RIN2: variants seen among roughly 807,000 people sequenced by gnomAD.
RIN2 encodes RAB5 interacting protein 2.
In RIN2, 36 loss-of-function variants were observed where a neutral mutation model predicts 78.0. The ratio of observed to expected loss-of-function variants is 0.46; its 90% CI spans 0.35 to 0.61. The LOEUF is 0.61. Among genes scored for constraint, RIN2 ranks in the 20% least tolerant of loss-of-function variants. The pLI, the probability that RIN2 is intolerant of heterozygous loss-of-function variation, is 0.00. For missense variants in RIN2, 1,087 were observed against 1,159.7 expected (o/e 0.94, Z 0.91); for synonymous variants, 466 against 466.8 (o/e 1.00, Z 0.02).
At chr20:19,816,525 T>C (rs2035772602) in intron 2 of RIN2, among the ~76,000 whole-genome samples, 1 of 152,218 alleles carries the variant, frequency 6.6e-6, no homozygotes, top group Non-Finnish European at 1.5e-5. Flanking sequence ...AATTCTGGTT[T>C]GATCCTTGGG....
intron 3 of RIN2, among the ~76,000 whole-genome samples, chr20:19,910,760 G>A (rs2039429886): frequency 6.6e-6 from 1 of 151,262 alleles, no homozygotes; most frequent in African/African-American, 2.4e-5. Context: ...TAGAGACAGA[G>A]TTTCTCCATG....
intron 7 of RIN2, among the ~76,000 whole-genome samples, chr20:19,968,910 C>G (rs1282312050): frequency 6.6e-6 from 1 of 152,128 alleles, no homozygotes; most frequent in Non-Finnish European, 1.5e-5. Flanking sequence ...ACACAGCCAT[C>G]CCCTGCAGTG....
intron 1 of RIN2, among the ~76,000 whole-genome samples, chr20:19,787,489 GAGA>G (rs530298347): frequency 1.6e-3 from 236 of 151,830 alleles, no homozygotes; most frequent in African/African-American, 5.4e-3. Context: ...GGGCTAGAGG[GAGA>G]AGATTTTATT....
chr20:19,858,107 T>G (rs1177828205), intron 2 of RIN2, among the ~76,000 whole-genome samples: 1 of 147,640 alleles, frequency 6.8e-6, no homozygotes, highest in African/African-American at 2.6e-5. Flanking sequence ...TCATCCCTTT[T>G]TATGGTCTGT....
intron 2 of RIN2, among the ~76,000 whole-genome samples, chr20:19,805,794 G>A (rs1052261813): frequency 2.6e-5 from 4 of 151,808 alleles, no homozygotes; most frequent in Non-Finnish European, 4.4e-5. Flanking sequence ...AGGTATACAT[G>A]TGCCATGGTG....
chr20:19,986,418 G>A (rs897192217), intron 9 of RIN2, among the ~76,000 whole-genome samples: 1 of 152,096 alleles, frequency 6.6e-6, no homozygotes, highest in Admixed American at 6.6e-5. Context: ...AAAGAAAAAT[G>A]TCCTAAAATC....
At chr20:19,817,027 A>G (rs565576523) in intron 2 of RIN2, among the ~76,000 whole-genome samples, 1 of 117,742 alleles carries the variant, frequency 8.5e-6, no homozygotes, top group Non-Finnish European at 1.8e-5. Flanking sequence ...GAATGTGGAG[A>G]CAAGAAGTGT....
intron 2 of RIN2, among the ~76,000 whole-genome samples, chr20:19,833,598 T>G (rs1284815840): frequency 6.6e-6 from 1 of 152,244 alleles, no homozygotes; most frequent in Non-Finnish European, 1.5e-5. Context: ...TCTCAATTAC[T>G]TGGTTTTATG....
At chr20:19,993,229 C>T (rs2424253) in intron 11 of RIN2, among the ~76,000 whole-genome samples, 42,033 of 151,620 alleles carry the variant, frequency 0.28, 7,105 homozygotes, top group East Asian at 0.67. Flanking sequence ...TTTATATATC[C>T]AGATAAAAGC....
chr20:19,776,098 C>A (rs550952908), intron 1 of RIN2, among the ~76,000 whole-genome samples: 1 of 152,284 alleles, frequency 6.6e-6, no homozygotes, highest in African/African-American at 2.4e-5. Context: ...CTCTAAGTCC[C>A]CCAACTAACT....
At chr20:19,927,579 T>A (rs764752402) in intron 3 of RIN2, among the ~76,000 whole-genome samples, 2 of 152,094 alleles carry the variant, frequency 1.3e-5, no homozygotes, top group Admixed American at 6.5e-5. Context: ...CATGCCCAAC[T>A]AATTTTTTGT....
intron 2 of RIN2, among the ~76,000 whole-genome samples, chr20:19,848,809 A>G (rs1025013204): frequency 6.6e-6 from 1 of 152,234 alleles, no homozygotes; most frequent in Admixed American, 6.5e-5. Context: ...CTAGCCTGAC[A>G]TAGAACACTT....
intron 2 of RIN2, chr20:19,823,652 T>C: frequency 6.4e-7 from 1 of 1,568,640 alleles, no homozygotes; most frequent in East Asian, 2.2e-5. Flanking sequence ...CTGTGTTTAA[T>C]GTTTTTCTGT....
intron 1 of RIN2, among the ~76,000 whole-genome samples, chr20:19,772,428 TC>T (rs2122430841): frequency 6.6e-6 from 1 of 152,288 alleles, no homozygotes; most frequent in Non-Finnish European, 1.5e-5. Context: ...CAGTCTTTGA[TC>T]CCCATATGAT....
At chr20:19,997,347 C>A in intron 12 of RIN2, among the ~76,000 whole-genome samples, 1 of 152,330 alleles carries the variant, frequency 6.6e-6, no homozygotes, top group East Asian at 1.9e-4. Flanking sequence ...AGCATCTGAG[C>A]GAGTCCTGCT....
intron 2 of RIN2, among the ~76,000 whole-genome samples, chr20:19,879,681 T>C (rs1401004569): frequency 6.6e-6 from 1 of 152,256 alleles, no homozygotes; most frequent in African/African-American, 2.4e-5. Flanking sequence ...CGTGTTTCCG[T>C]GGACTTTTTT....
At chr20:19,823,832 A>G (rs2036000726) in intron 2 of RIN2, 1 of 1,606,308 alleles carries the variant, frequency 6.2e-7, no homozygotes, top group East Asian at 2.2e-5. Context: ...TTTTTTGGAG[A>G]CAGACCCAGG....
intron 4 of RIN2, among the ~76,000 whole-genome samples, chr20:19,942,864 C>T (rs2040937297): frequency 6.6e-6 from 1 of 152,166 alleles, no homozygotes; most frequent in Non-Finnish European, 1.5e-5. Context: ...CTTGGCCACA[C>T]AATGTCACCA....
At position 19,935,100 on chromosome 20, in the gene RIN2, T is replaced by C. The variant is rs780438900; in HGVS notation, c.59T>C (p.Leu20Pro). The C allele has an allele frequency of 3.8e-6, 6 of 1,590,570 alleles. No homozygotes were observed. The highest frequency in any genetic ancestry group is 5.1e-6 in the Non-Finnish European group (6 of 1,168,454). Residue 20 changes from leucine to proline, a missense_variant and splice_region_variant, in exon 4 of 13, where the codon CTC becomes CCC. Coordinates refer to ENST00000255006, the MANE Select transcript of RIN2 (RefSeq NM_018993.4). ...CATACTATTTTTGTCTTTGAATAGC[T>C]CATTGACACAATTGCCTCGGAGATC... The part of the protein sequence containing the change: ...GLDKRGSFFK[L>P]IDTIASEIGE...
Sources: gnomAD v4.1 joint callset for allele counts (sites outside exome capture counted in the v4.1 genomes callset) on GRCh38, gnomAD v4.1.1 for gene constraint, MANE v1.5 for transcripts, NCBI Gene and HGNC (gene_info 2026-07-23, HGNC 2026-07-21) for gene names.